Variants in PRKACB observed in about 807,000 individuals in gnomAD.
The protein encoded by PRKACB is cAMP-dependent protein kinase catalytic subunit beta.
In PRKACB, 16 loss-of-function variants were observed where a neutral mutation model predicts 51.4. The observed-to-expected ratio is 0.31, with a 90% CI of 0.21 to 0.47. The LOEUF is 0.47. Among genes scored for constraint, PRKACB ranks in the 20% least tolerant of loss-of-function variants. The pLI, the probability that PRKACB is intolerant of heterozygous loss-of-function variation, is 1.00. For missense variants in PRKACB, 309 were observed against 464.5 expected, an observed-to-expected ratio of 0.67 and a Z score of 3.08; for synonymous variants, 147 against 154.4, an observed-to-expected ratio of 0.95 and a Z score of 0.35.
In PRKACB at chr1:84,144,426, T is replaced by C. The variant is rs757323857; in HGVS notation, c.65T>C (p.Leu22Ser). ...GGTACAACTACAGCTCTTCAGAAAT[T>C]GGAAGGTTTTGCTAGCCGGTTATTT... is the stretch of plus-strand genomic sequence containing the variant. ...YTGTTTALQK[L>S]EGFASRLFHR... Residue 22 changes from leucine (L) to serine (S), a missense_variant, in exon 1 of 10, where the codon TTG (leucine) becomes TCG (serine). By Grantham distance (145) the Leu-to-Ser change is moderately radical. Transcript: ENST00000370685. 7 of 1,613,304 alleles carry C rather than the reference T, an allele frequency of 4.3e-6. No individual in the cohort carries two copies. The highest frequency in any genetic ancestry group is 5.9e-6 in the Non-Finnish European group (7 of 1,179,640).
At chr1:84,142,755 A>G (rs41300496), upstream of PRKACB, among the ~76,000 whole-genome samples, 14,872 of 152,264 alleles carry the variant, frequency 0.098, 992 homozygotes, top group Non-Finnish European at 0.14. Context: ...GTTTAGATTG[A>G]TATGAATTCC....
At position 84,225,377 on chromosome 1, in the gene PRKACB, C is replaced by T. The variant is rs563909684; in HGVS notation, c.1072-9803C>T. ...TCTGGGGAGTGTATGCTTTGGCTTC[C>T]GGCCCCAGAAACAGCCTTCCCTAGT... On this transcript the variant is annotated intron_variant, in intron 9 of 9. Transcript: ENST00000370685. 4.6e-5 allele frequency among the ~76,000 whole-genome samples: 7 copies of T among 152,220 alleles called. No individual in the cohort carries two copies. The South Asian group carries it at 1.2e-3, about 27-fold the overall frequency.
chr1:84,153,053 G>A lies in PRKACB; in HGVS notation c.187+8505G>A, dbSNP rs143977541. Among the ~76,000 whole-genome samples, 50 of 152,084 alleles carry A rather than the reference G, an allele frequency of 3.3e-4. 1 individual carries two copies. The highest frequency in any genetic ancestry group is 6.6e-4 in the Admixed American group (10 of 15,258). On this transcript the variant is annotated intron_variant, in intron 1 of 9. Coordinates refer to ENST00000370685, the MANE Select transcript of PRKACB (RefSeq NM_182948.4). Reference sequence around the variant, plus strand: ...GGCCATTGTAAGGCTATTGATCGGCGTAATTTCAGTATTGCTGTGTCTTAG... The same window carrying A: ...GGCCATTGTAAGGCTATTGATCGGCATAATTTCAGTATTGCTGTGTCTTAG...
chr1:84,083,362 C>G (rs1647701122), intron 1 of PRKACB, among the ~76,000 whole-genome samples: 1 of 152,178 alleles, frequency 6.6e-6, no homozygotes, highest in Non-Finnish European at 1.5e-5. Flanking sequence ...TGTACTGTAT[C>G]AAATTATCTC....
At chr1:84,197,584 GA>G (rs1558230629) in intron 6 of PRKACB, 144 bp from the exon 7 acceptor site, 5 of 535,522 alleles carry the variant, frequency 9.3e-6, no homozygotes, top group Non-Finnish European at 1.6e-5. Flanking sequence ...AGATATTCAT[GA>G]ATGAATTTCA....
intron 1 of PRKACB, among the ~76,000 whole-genome samples, chr1:84,107,715 C>T (rs1364851298): frequency 1.3e-5 from 2 of 151,896 alleles, no homozygotes; most frequent in Non-Finnish European, 2.9e-5. Flanking sequence ...GACATACATG[C>T]GGCCAACAAA....
chr1:84,119,909 T>C (rs1443911849), intron 1 of PRKACB, among the ~76,000 whole-genome samples: 1 of 152,084 alleles, frequency 6.6e-6, no homozygotes, highest in Non-Finnish European at 1.5e-5. Flanking sequence ...GAGACCTTGG[T>C]AGTGTTTCCT....
At chr1:84,177,048 G>C in intron 1 of PRKACB, among the ~76,000 whole-genome samples, 1 of 151,960 alleles carries the variant, frequency 6.6e-6, no homozygotes, top group East Asian at 1.9e-4. Context: ...GACAGGAGAA[G>C]CTGAAACAGG....
At chr1:84,106,642 A>G (rs1182706723) in intron 1 of PRKACB, among the ~76,000 whole-genome samples, 5 of 152,086 alleles carry the variant, frequency 3.3e-5, no homozygotes, top group African/African-American at 9.7e-5. Flanking sequence ...ATGCTCTTAG[A>G]TAGGAAGAAT....
rs1664703360 is a variant in PRKACB, at chr1:84,185,100, G to A, written c.478G>A (p.Asp160Asn). Reference protein sequence around the residue: ...FLVRLEYAFKDNSNLYMVMEY... With the variant: ...FLVRLEYAFKNNSNLYMVMEY... ...GTATTTCCTTTTTATTTGTTCATAGGATAATTCTAATTTATACATGGTTAT... is the reference window on the plus strand; with the variant it reads ...GTATTTCCTTTTTATTTGTTCATAGAATAATTCTAATTTATACATGGTTAT... The change falls in exon 5 of 10, where the codon GAT becomes AAT. Residue 160 changes from aspartate (D) to asparagine (N), a missense_variant and splice_region_variant. Physicochemically the swap from Asp to Asn is conservative, Grantham distance 23. This residue lies in a region of PRKACB where 153 missense variants were observed against 190.2 expected (regional missense o/e 0.80). Transcript: ENST00000370685. 2 of 1,457,650 alleles carry A rather than the reference G, an allele frequency of 1.4e-6. No homozygotes were observed. Among genetic ancestry groups the A allele is most frequent in the Non-Finnish European group, 1.8e-6 (2 of 1,086,084 alleles). The allele number at this position is 1,457,650 out of a possible 1,614,324, so 90.3% of individuals were successfully genotyped here. A position where few individuals can be genotyped will look rare whatever the true frequency, so the allele number is the denominator to read the frequency against.
chr1:84,106,263 C>A (rs1418514000), intron 1 of PRKACB, among the ~76,000 whole-genome samples: 1 of 151,986 alleles, frequency 6.6e-6, no homozygotes, highest in East Asian at 1.9e-4. Flanking sequence ...CTGGCCAGAA[C>A]AATCAGGCAA....
intron 1 of PRKACB, among the ~76,000 whole-genome samples, chr1:84,162,022 G>T (rs1656260325): frequency 6.6e-6 from 1 of 151,808 alleles, no homozygotes; most frequent in South Asian, 2.1e-4. Flanking sequence ...TGTTTCTCTG[G>T]GAATCTTTCA....
intron 1 of PRKACB, among the ~76,000 whole-genome samples, chr1:84,165,494 C>T (rs1007518744): frequency 1.3e-5 from 2 of 151,436 alleles, no homozygotes; most frequent in Non-Finnish European, 3.0e-5. Flanking sequence ...TTGCTTTTAC[C>T]TACAATTTAT....
chr1:84,222,406 T>G (rs918065727), intron 9 of PRKACB, among the ~76,000 whole-genome samples: 1 of 152,188 alleles, frequency 6.6e-6, no homozygotes, highest in Non-Finnish European at 1.5e-5. Context: ...AGATATCTGA[T>G]TTATTTACAT....
intron 1 of PRKACB, among the ~76,000 whole-genome samples, chr1:84,174,401 A>G (rs1288304900): frequency 6.6e-6 from 1 of 151,808 alleles, no homozygotes; most frequent in Non-Finnish European, 1.5e-5. Context: ...CAGCTCTCAC[A>G]GCACCTTATA....
At chr1:84,180,553 C>T (rs1366554879) in intron 2 of PRKACB, among the ~76,000 whole-genome samples, 1 of 151,358 alleles carries the variant, frequency 6.6e-6, no homozygotes, top group Non-Finnish European at 1.5e-5. Flanking sequence ...CCACCTGTAC[C>T]CCAATAACTT....
At chr1:84,177,907 T>C (rs1036738790) in intron 1 of PRKACB, among the ~76,000 whole-genome samples, 12 of 152,060 alleles carry the variant, frequency 7.9e-5, no homozygotes, top group Non-Finnish European at 1.6e-4. Context: ...TTAAAAATTC[T>C]TTTTCTCAGT....
At chr1:84,194,320 G>A (rs12047035) in intron 5 of PRKACB, among the ~76,000 whole-genome samples, 2,054 of 152,212 alleles carry the variant, frequency 0.013, 51 homozygotes, top group East Asian at 0.076. Flanking sequence ...TAAAAGGATA[G>A]CAAGTTGATT....
chr1:84,131,913 A>G (rs755217105), intron 1 of PRKACB, among the ~76,000 whole-genome samples: 1 of 152,182 alleles, frequency 6.6e-6, no homozygotes, highest in Non-Finnish European at 1.5e-5. Flanking sequence ...AGATCCTGGA[A>G]AAGGTCCCCT....
Sources: gnomAD v4.1 joint callset for allele counts (sites outside exome capture counted in the v4.1 genomes callset) on GRCh38, gnomAD v4.1.1 for gene constraint, gnomAD v4.1.1 regional missense constraint, MANE v1.5 for transcripts, NCBI Gene and HGNC (gene_info 2026-07-23, HGNC 2026-07-21) for gene names.